Variants in PRKCB observed in about 807,000 individuals in gnomAD.
PRKCB encodes protein kinase C beta type.
PRKCB carries 13 observed loss-of-function variants against 81.5 expected under a neutral mutation model. The ratio of observed to expected loss-of-function variants is 0.16; its 90% CI spans 0.10 to 0.25. The LOEUF is 0.25. PRKCB is among the 10% of genes least tolerant of loss of function. PRKCB has a pLI of 1.00. For synonymous variants in PRKCB, 335 were observed against 321.4 expected (o/e 1.04, Z -0.45); for missense variants, 509 against 875.7 (o/e 0.58, Z 5.29).
intron 3 of PRKCB, among the ~76,000 whole-genome samples, chr16:24,007,965 T>C (rs1038754859): frequency 2.0e-5 from 3 of 150,624 alleles, no homozygotes; most frequent in Non-Finnish European, 4.4e-5. Context: ...CTCCCCCACC[T>C]CCAGTGGTCT....
intron 13 of PRKCB, 114 bp downstream of exon 13, chr16:24,181,042 A>T (rs1203640603): frequency 7.5e-7 from 1 of 1,329,620 alleles, no homozygotes; most frequent in African/African-American, 1.5e-5. Context: ...AACCTCGGAC[A>T]GATTCTTATT....
chr16:24,026,250 G>A (rs1024772344), intron 3 of PRKCB, among the ~76,000 whole-genome samples: 6 of 152,170 alleles, frequency 3.9e-5, no homozygotes, highest in East Asian at 1.9e-4. Context: ...AGCTATGATC[G>A]CACCACTGCA....
intron 10 of PRKCB, among the ~76,000 whole-genome samples, chr16:24,166,625 C>T (rs971156752): frequency 3.3e-5 from 5 of 152,186 alleles, no homozygotes; most frequent in Non-Finnish European, 7.3e-5. Flanking sequence ...TTGGGAAACA[C>T]GGCCGTTTGG....
intron 9 of PRKCB, among the ~76,000 whole-genome samples, chr16:24,129,234 T>C (rs1317280683): frequency 6.6e-6 from 1 of 152,174 alleles, no homozygotes; most frequent in Non-Finnish European, 1.5e-5. Flanking sequence ...GGCTTTCTTG[T>C]TCTCTTATAC....
At chr16:24,088,167 C>T (rs981268343) in intron 5 of PRKCB, among the ~76,000 whole-genome samples, 1 of 152,198 alleles carries the variant, frequency 6.6e-6, no homozygotes, top group African/African-American at 2.4e-5. Context: ...TGAAACACTT[C>T]AGGAGGGACA....
intron 9 of PRKCB, among the ~76,000 whole-genome samples, chr16:24,130,931 G>A (rs1966852514): frequency 6.6e-6 from 1 of 152,156 alleles, no homozygotes; most frequent in Non-Finnish European, 1.5e-5. Flanking sequence ...AGTCCTGGCT[G>A]CAATTTTTCA....
In PRKCB at chr16:24,165,890, T is replaced by C. The variant is rs868309462; in HGVS notation, c.1240-6380T>C. Among the ~76,000 whole-genome samples, 5 of 132,578 alleles carry C rather than the reference T, an allele frequency of 3.8e-5. No homozygotes were observed. In the South Asian group the frequency reaches 9.2e-4, roughly 25 times the overall value. The allele number at this position is 132,578 out of a possible 152,430, so 87.0% of individuals were successfully genotyped here. A position where few individuals can be genotyped will look rare whatever the true frequency, so the allele number is the denominator to read the frequency against. The stretch of plus-strand genomic sequence containing the variant: ...TTTTTCTTTTCTTTCTTTCTTTTTT[T>C]TTTTTTTTTTTTTTTTGACACAGGG... On this transcript the variant is annotated intron_variant, in intron 10 of 16. Coordinates refer to ENST00000643927, the MANE Select transcript of PRKCB (RefSeq NM_002738.7).
rs1327599049 is a variant in PRKCB, at chr16:24,218,293, C to T, written c.*3477C>T. 2.8e-5 allele frequency: 28 copies of T among 985,148 alleles called. No individual in the cohort carries two copies. The highest frequency in any genetic ancestry group is 6.2e-5 in the Admixed American group (1 of 16,248). The allele number at this position is 985,148 out of a possible 1,614,324, so 61.0% of individuals were successfully genotyped here. On this transcript the variant is annotated 3_prime_UTR_variant, in exon 17 of 17. Transcript: ENST00000643927. The stretch of plus-strand genomic sequence containing the variant: ...CAGACAATATTAAAGAGGAGGCATT[C>T]GAGCTTTGTTGTGAACACCGGAAGT...
At chr16:24,017,097 G>C (rs1465407230) in intron 3 of PRKCB, among the ~76,000 whole-genome samples, 2 of 152,134 alleles carry the variant, frequency 1.3e-5, no homozygotes, top group Non-Finnish European at 2.9e-5. Context: ...GCTAGGGGAG[G>C]GGCCAGTGGG....
chr16:23,875,364 T>G (rs1962977415), intron 2 of PRKCB, among the ~76,000 whole-genome samples: 1 of 151,812 alleles, frequency 6.6e-6, no homozygotes, highest in Admixed American at 6.6e-5. Context: ...ATAAAAAAAA[T>G]ACTGGATGAG....
intron 4 of PRKCB, among the ~76,000 whole-genome samples, chr16:24,033,757 CAAA>C (rs1965578731): frequency 6.6e-6 from 1 of 151,844 alleles, no homozygotes; most frequent in African/African-American, 2.4e-5. Flanking sequence ...GTGAGACTCT[CAAA>C]GAAGAAGAAG....
intron 2 of PRKCB, among the ~76,000 whole-genome samples, chr16:23,983,179 G>A (rs1187397921): frequency 4.6e-5 from 7 of 151,774 alleles, no homozygotes; most frequent in Non-Finnish European, 1.0e-4. Context: ...AAATGAGGGG[G>A]CGTTTATTTG....
chr16:24,078,516 C>A (rs1463923535), intron 5 of PRKCB, among the ~76,000 whole-genome samples: 1 of 152,178 alleles, frequency 6.6e-6, no homozygotes, highest in East Asian at 1.9e-4. Context: ...CTGAGGGGAA[C>A]AGATGTTTAT....
intron 10 of PRKCB, among the ~76,000 whole-genome samples, chr16:24,168,036 T>TC: frequency 6.6e-6 from 1 of 152,206 alleles, no homozygotes; most frequent in African/African-American, 2.4e-5. Context: ...TATTAGGCAC[T>TC]CCCACATTTG....
intron 2 of PRKCB, among the ~76,000 whole-genome samples, chr16:23,960,443 G>A (rs1178217118): frequency 1.3e-5 from 2 of 151,436 alleles, no homozygotes; most frequent in African/African-American, 4.9e-5. Flanking sequence ...AATTGAAGTC[G>A]TTTCATGTCT....
intron 10 of PRKCB, among the ~76,000 whole-genome samples, chr16:24,167,648 C>G (rs752937379): frequency 6.6e-6 from 1 of 152,152 alleles, no homozygotes; most frequent in African/African-American, 2.4e-5. Flanking sequence ...TCTCCATGTT[C>G]CTTCTCTCCC....
chr16:24,184,065 G>A (rs1967666721), intron 13 of PRKCB, among the ~76,000 whole-genome samples: 1 of 152,054 alleles, frequency 6.6e-6, no homozygotes, highest in Non-Finnish European at 1.5e-5. Context: ...CTAATCAACT[G>A]GAAATTTATA....
chr16:23,937,945 G>T (rs1276757441), intron 2 of PRKCB, among the ~76,000 whole-genome samples: 1 of 152,202 alleles, frequency 6.6e-6, no homozygotes, highest in East Asian at 1.9e-4. Context: ...GAAGGAACTA[G>T]GGTGTGAGTG....
chr16:23,857,118 A>T (rs538461511), intron 2 of PRKCB, among the ~76,000 whole-genome samples: 1 of 152,230 alleles, frequency 6.6e-6, no homozygotes. Context: ...CAGCTTTAAC[A>T]TATCACAGAC....
Sources: gnomAD v4.1 joint callset for allele counts (sites outside exome capture counted in the v4.1 genomes callset) on GRCh38, gnomAD v4.1.1 for gene constraint, MANE v1.5 for transcripts, NCBI Gene and HGNC (gene_info 2026-07-23, HGNC 2026-07-21) for gene names.